Variants in PARP16 observed in about 807,000 individuals in gnomAD.
The protein encoded by PARP16 is poly(ADP-ribose) polymerase family member 16, also known as protein mono-ADP-ribosyltransferase PARP16.
In PARP16, 31 loss-of-function variants were observed where a neutral mutation model predicts 35.0. The ratio of observed to expected loss-of-function variants is 0.88; its 90% CI spans 0.66 to 1.19. The LOEUF (loss-of-function observed/expected upper bound fraction) is 1.19. PARP16 is among the 50% of genes most tolerant of loss of function. The pLI is 0.00. For synonymous variants in PARP16, 162 were observed against 169.5 expected (o/e 0.96, Z 0.34); for missense variants, 424 against 411.2 (o/e 1.03, Z -0.27).
rs759015967 is a variant in PARP16 at position 65,260,978 on chromosome 15, C to T, written c.740G>A (p.Gly247Glu). The T allele has an allele frequency of 8.1e-6, 13 of 1,611,962 alleles. No homozygotes were observed. In the African/African-American group the frequency reaches 1.6e-4, roughly 20 times the overall value. The stretch of plus-strand genomic sequence containing the variant: ...GAAGTACTTGGGAGGGATGTCTCCC[C>T]CTTCACTATGTTTGATTCTCGCTCG... ...RRRARIKHSE[G>E]GDIPPKYFVV... is the part of the protein sequence containing the mutation. Residue 247 changes from glycine to glutamate, a missense_variant, in exon 5 of 6, where the codon GGG becomes GAG. Physicochemically the swap from Gly to Glu is moderately conservative, Grantham distance 98 (BLOSUM62 -2). Coordinates refer to ENST00000649807, the MANE Select transcript of PARP16 (RefSeq NM_001316943.2).
chr15:65,278,091 G>A (rs926970551), intron 1 of PARP16, among the ~76,000 whole-genome samples: 2 of 152,194 alleles, frequency 1.3e-5, no homozygotes, highest in African/African-American at 2.4e-5. Context: ...GAAGTGAGCA[G>A]AGTGTGTCCC....
In PARP16 at chr15:65,275,423, C is replaced by G. The variant is rs2090224363; in HGVS notation, c.175-4351G>C. On this transcript the variant is annotated intron_variant, in intron 1 of 5. Coordinates refer to ENST00000649807, the MANE Select transcript of PARP16 (RefSeq NM_001316943.2). ...GTTTGACTTCCTGTGTCTCAGCTTT[C>G]TCAAATACATAATTGGGATAATATC... 2.0e-5 allele frequency among the ~76,000 whole-genome samples: 3 copies of G among 152,164 alleles called. No homozygotes were observed. The Middle Eastern group carries it at 0.01, about 518-fold the overall frequency.
At chr15:65,235,981 C>T (rs2088869947) in intron 3 of PARP16, among the ~76,000 whole-genome samples, 2 of 151,646 alleles carry the variant, frequency 1.3e-5, no homozygotes, top group South Asian at 4.2e-4. Context: ...CCTCAGCCTC[C>T]CAAGTAGCTG....
intron 1 of PARP16, among the ~76,000 whole-genome samples, chr15:65,275,552 C>CCAT: frequency 6.6e-6 from 1 of 152,238 alleles, no homozygotes; most frequent in East Asian, 1.9e-4. Context: ...ACTGCCATGA[C>CCAT]TGTCATCATT....
At chr15:65,269,200 C>CTCTCTCTCT (rs1567029638) in intron 2 of PARP16, among the ~76,000 whole-genome samples, 1 of 146,000 alleles carries the variant, frequency 6.8e-6, no homozygotes. Context: ...TTCTTTCTTT[C>CTCTCTCTCT]TTTCTTTTTT....
chr15:65,248,116 C>T, intron 3 of PARP16: 1 of 456,088 alleles, frequency 2.2e-6, no homozygotes, highest in Non-Finnish European at 4.4e-6. Context: ...ATTGTTCTTA[C>T]CTCTCTACTT....
At chr15:65,236,937 A>T (rs904471182) in intron 3 of PARP16, among the ~76,000 whole-genome samples, 1 of 148,478 alleles carries the variant, frequency 6.7e-6, no homozygotes, top group Admixed American at 6.9e-5. Context: ...GCACCACTGC[A>T]CTCTAGCCTG....
intron 3 of PARP16, among the ~76,000 whole-genome samples, chr15:65,235,271 C>T (rs1427861396): frequency 1.3e-5 from 2 of 151,704 alleles, no homozygotes; most frequent in African/African-American, 4.9e-5. Context: ...CGCGCCACTG[C>T]ACTTCAGCCT....
intron 2 of PARP16, among the ~76,000 whole-genome samples, chr15:65,249,518 T>C (rs2089297483): frequency 6.6e-6 from 1 of 152,216 alleles, no homozygotes. Flanking sequence ...TTCTCCCTTG[T>C]ACCCACTCAC....
At chr15:65,233,178 C>T (rs2088800885), downstream of PARP16, among the ~76,000 whole-genome samples, 1 of 152,146 alleles carries the variant, frequency 6.6e-6, no homozygotes, top group Non-Finnish European at 1.5e-5. Flanking sequence ...CTTTGGGAGG[C>T]CGAGGTGGGC....
At chr15:65,263,568 C>T (rs958868376) in intron 3 of PARP16, among the ~76,000 whole-genome samples, 16 of 152,162 alleles carry the variant, frequency 1.1e-4, no homozygotes, top group Admixed American at 2.0e-4. Flanking sequence ...ACTAGCAGTT[C>T]CTTGTGGTCA....
At chr15:65,234,363 G>C (rs1400249120), downstream of PARP16, 1 of 152,196 alleles carries the variant, frequency 6.6e-6, no homozygotes, top group East Asian at 1.9e-4. Flanking sequence ...GTGAGCTTGA[G>C]TTTCTGAACT....
intron 1 of PARP16, among the ~76,000 whole-genome samples, chr15:65,284,695 ACT>A (rs1374396705): frequency 1.3e-5 from 2 of 150,294 alleles, no homozygotes; most frequent in South Asian, 2.1e-4. Context: ...CTTTTTTAAT[ACT>A]CTGTGTAAAA....
At chr15:65,260,240 AC>A (rs1272349322) in intron 5 of PARP16, among the ~76,000 whole-genome samples, 1 of 152,076 alleles carries the variant, frequency 6.6e-6, no homozygotes, top group Non-Finnish European at 1.5e-5. Flanking sequence ...ATATCTACTT[AC>A]CTGCTGCTGG....
intron 3 of PARP16, among the ~76,000 whole-genome samples, chr15:65,245,504 A>G (rs1446877403): frequency 2.6e-5 from 4 of 152,190 alleles, no homozygotes; most frequent in African/African-American, 9.7e-5. Context: ...AGATCTCGCC[A>G]GGAACACCGC....
In PARP16 at chr15:65,269,382, G is replaced by A. The variant is rs144366447; in HGVS notation, c.312+1553C>T. On this transcript the variant is annotated intron_variant, in intron 2 of 5. Coordinates refer to ENST00000649807, the MANE Select transcript of PARP16 (RefSeq NM_001316943.2). ...CAGCTAAGTTTTTGTATTTTTAGTA[G>A]AGACGGGGTTCCACTATGTTGGCCA... 3.4e-3 allele frequency among the ~76,000 whole-genome samples: 523 copies of A among 152,024 alleles called. 4 individuals carry two copies. Among genetic ancestry groups the A allele is most frequent in the African/African-American group, 0.012 (482 of 41,458 alleles).
chr15:65,271,165 T>C, intron 1 of PARP16, 93 bp from the exon 2 acceptor site: 1 of 1,229,922 alleles, frequency 8.1e-7, no homozygotes, highest in Non-Finnish European at 1.2e-6. Context: ...GTTCACTTGT[T>C]GCACGTCTCA....
At chr15:65,241,364 C>T (rs944852698) in intron 3 of PARP16, among the ~76,000 whole-genome samples, 2 of 152,182 alleles carry the variant, frequency 1.3e-5, no homozygotes, top group Non-Finnish European at 2.9e-5. Flanking sequence ...TGGTCTCGAA[C>T]TCCTGACCTC....
intron 3 of PARP16, among the ~76,000 whole-genome samples, chr15:65,235,834 TA>T (rs144070210): frequency 0.23 from 28,979 of 126,124 alleles, 3,754 homozygotes; most frequent in Admixed American, 0.3. Flanking sequence ...GACCCTGTCT[TA>T]AAAAAAAAAA....
Sources: gnomAD v4.1 joint callset for allele counts (sites outside exome capture counted in the v4.1 genomes callset) on GRCh38, gnomAD v4.1.1 for gene constraint, MANE v1.5 for transcripts, NCBI Gene and HGNC (gene_info 2026-07-23, HGNC 2026-07-21) for gene names.